The following MON2 variants were observed in gnomAD, a reference collection of about 807,000 sequenced individuals.
The protein encoded by MON2 is protein MON2 homolog.
In MON2, 84 loss-of-function variants were observed where a neutral mutation model predicts 208.6. The observed-to-expected ratio is 0.40, with a 90% CI of 0.34 to 0.48. The LOEUF is 0.48. Among genes scored for constraint, MON2 ranks in the 20% least tolerant of loss-of-function variants. The probability of loss-of-function intolerance (pLI) is 0.59; values close to 1 mark genes in which losing one functional copy is unlikely to be tolerated. For missense variants in MON2, 1,611 were observed against 2,015.4 expected (o/e 0.80, Z 3.84); for synonymous variants, 660 against 694.0 (o/e 0.95, Z 0.77).
intron 1 of MON2, among the ~76,000 whole-genome samples, chr12:62,478,131 G>A (rs968568825): frequency 3.9e-5 from 6 of 151,958 alleles, no homozygotes; most frequent in African/African-American, 1.5e-4. Flanking sequence ...TTGTGTGTGT[G>A]TGTGTGTGTG....
chr12:62,483,151 T>A (rs1440097906), intron 1 of MON2: 2 of 152,306 alleles, frequency 1.3e-5, no homozygotes, highest in Admixed American at 1.3e-4. Flanking sequence ...AGGGGATAGG[T>A]TATATTCTTT....
At chr12:62,578,685 C>A (rs1379762880) in intron 31 of MON2, among the ~76,000 whole-genome samples, 180 bp downstream of exon 31, 2 of 152,068 alleles carry the variant, frequency 1.3e-5, no homozygotes, top group Non-Finnish European at 2.9e-5. Flanking sequence ...AAGTGACTTC[C>A]TTAGATTTGT....
At chr12:62,522,750 G>A (rs73325205) in intron 8 of MON2, among the ~76,000 whole-genome samples, 1 of 152,300 alleles carries the variant, frequency 6.6e-6, no homozygotes, top group African/African-American at 2.4e-5. Context: ...TGAGGCCCTT[G>A]TTCAGTGTTC....
At chr12:62,489,904 A>G in intron 2 of MON2, 1 of 352,534 alleles carries the variant, frequency 2.8e-6, no homozygotes, top group Non-Finnish European at 4.8e-6. Context: ...AATAATGTCT[A>G]AGTCACATTT....
intron 8 of MON2, among the ~76,000 whole-genome samples, chr12:62,517,506 T>G (rs2071763982): frequency 1.3e-5 from 2 of 152,114 alleles, no homozygotes; most frequent in South Asian, 4.1e-4. Flanking sequence ...GGGAGATAAT[T>G]AGGCTTAGAT....
At chr12:62,537,938 T>C (rs1039407769) in intron 16 of MON2, among the ~76,000 whole-genome samples, 158 bp from the exon 17 acceptor site, 5 of 152,236 alleles carry the variant, frequency 3.3e-5, no homozygotes, top group African/African-American at 9.6e-5. Context: ...TTAATTATTT[T>C]ATATGAATGT....
At position 62,529,032 on chromosome 12, in the gene MON2, A is replaced by T. The variant is rs1452569070; in HGVS notation, c.1400+2930A>T. Among the ~76,000 whole-genome samples, 4 of 152,156 alleles carry T rather than the reference A, an allele frequency of 2.6e-5. No homozygotes were observed. In the East Asian group the frequency reaches 5.8e-4, roughly 22 times the overall value. On this transcript the variant is annotated intron_variant, in intron 11 of 34. Transcript: ENST00000393630. Reference sequence around the variant, plus strand: ...CACCCTCCCGCCTCAAGTACACCCCAGTGTCTGGTATTTCCTTCTTTGTGT... The same window carrying T: ...CACCCTCCCGCCTCAAGTACACCCCTGTGTCTGGTATTTCCTTCTTTGTGT...
chr12:62,546,441 T>C (rs1261268246), intron 21 of MON2, among the ~76,000 whole-genome samples: 2 of 152,172 alleles, frequency 1.3e-5, no homozygotes, highest in Non-Finnish European at 2.9e-5. Context: ...AGATAAATGA[T>C]ATTTGATGTT....
chr12:62,516,811 C>T (rs1366519892), intron 8 of MON2, among the ~76,000 whole-genome samples: 2 of 151,906 alleles, frequency 1.3e-5, no homozygotes, highest in Admixed American at 1.3e-4. Flanking sequence ...GATGATTATG[C>T]ATTATATGCC....
intron 1 of MON2, among the ~76,000 whole-genome samples, chr12:62,472,398 T>C (rs1007913706): frequency 6.6e-6 from 1 of 152,192 alleles, no homozygotes; most frequent in Non-Finnish European, 1.5e-5. Flanking sequence ...AATTAGGGAA[T>C]TGGATAGATT....
At chr12:62,525,333 C>G (rs2072276076) in intron 10 of MON2, 113 bp downstream of exon 10, 2 of 1,062,340 alleles carry the variant, frequency 1.9e-6, no homozygotes, top group Non-Finnish European at 2.8e-6. Context: ...GTTACCTAAA[C>G]ATGTTGGTAG....
intron 1 of MON2, among the ~76,000 whole-genome samples, chr12:62,469,296 T>C (rs1321987111): frequency 6.6e-6 from 1 of 152,016 alleles, no homozygotes; most frequent in East Asian, 1.9e-4. Flanking sequence ...CAGTGAGTGG[T>C]GATTGTGCCA....
chr12:62,590,855 A>G (rs2075376945), intron 34 of MON2, among the ~76,000 whole-genome samples: 1 of 152,150 alleles, frequency 6.6e-6, no homozygotes, highest in African/African-American at 2.4e-5. Flanking sequence ...TTTAGTAGAG[A>G]TGGGGTTTCA....
rs2075548707 is a variant in MON2, at chr12:62,597,387, T to C, written c.*4638T>C. 1 of 152,176 alleles carries C rather than the reference T, an allele frequency of 6.6e-6. No individual in the cohort carries two copies. Among genetic ancestry groups the C allele is most frequent in the African/African-American group, 2.4e-5 (1 of 41,448 alleles). The allele number at this position is 152,176 out of a possible 1,614,324, so 9.4% of individuals were successfully genotyped here. Reference sequence around the variant, plus strand: ...ATTCCTTGTTCATAAGAAGTGGAGCTGTTAGTGGTAGAACCACTGCTCATG... The same window carrying C: ...ATTCCTTGTTCATAAGAAGTGGAGCCGTTAGTGGTAGAACCACTGCTCATG... On this transcript the variant is annotated 3_prime_UTR_variant, in exon 35 of 35. Transcript: ENST00000393630.
chr12:62,569,227 C>G (rs889043224), intron 29 of MON2, among the ~76,000 whole-genome samples: 3 of 152,184 alleles, frequency 2.0e-5, no homozygotes, highest in African/African-American at 7.2e-5. Context: ...AGTAGCAAAC[C>G]ATACTTTTCT....
intron 23 of MON2, among the ~76,000 whole-genome samples, chr12:62,550,217 A>G (rs1459992716): frequency 6.6e-6 from 1 of 152,188 alleles, no homozygotes; most frequent in Non-Finnish European, 1.5e-5. Flanking sequence ...TGAAAGTCCT[A>G]CATGACATCT....
chr12:62,470,806 A>T, intron 1 of MON2: 1 of 948,550 alleles, frequency 1.1e-6, no homozygotes, highest in Non-Finnish European at 1.3e-6. Context: ...AATAAATTTT[A>T]TACTGAAGAT....
intron 30 of MON2, among the ~76,000 whole-genome samples, chr12:62,572,147 C>T (rs1338003932): frequency 5.3e-5 from 8 of 152,294 alleles, no homozygotes; most frequent in Non-Finnish European, 4.4e-5. Context: ...TAGAGTTGTG[C>T]TATTCAGTAC....
chr12:62,557,925 G>GTTT (rs1478360668), intron 25 of MON2, among the ~76,000 whole-genome samples: 1 of 59,484 alleles, frequency 1.7e-5, no homozygotes, highest in African/African-American at 8.3e-5. Flanking sequence ...AGAACGAATA[G>GTTT]ATTTATATAT....
Sources: allele counts gnomAD v4.1 joint callset (sites outside exome capture counted in the v4.1 genomes callset), GRCh38; gene constraint gnomAD v4.1.1; transcripts MANE v1.5; gene names NCBI Gene and HGNC (gene_info 2026-07-23, HGNC 2026-07-21).